The following AXDND1 variants were observed in gnomAD, a reference collection of about 807,000 sequenced individuals.
AXDND1 encodes axonemal dynein light chain domain-containing protein 1.
AXDND1 carries 110 observed loss-of-function variants against 137.5 expected under a neutral mutation model. The observed-to-expected ratio is 0.80, with a 90% CI of 0.69 to 0.94. The LOEUF (loss-of-function observed/expected upper bound fraction) is 0.94, where lower values mean the gene tolerates loss of function less well. Ranked by LOEUF, AXDND1 falls within the 40% of genes least tolerant of loss-of-function variation. The pLI is 0.00. For synonymous variants in AXDND1, 414 were observed against 399.7 expected, an observed-to-expected ratio of 1.04 and a Z score of -0.43; for missense variants, 1,191 against 1,169.8, an observed-to-expected ratio of 1.02 and a Z score of -0.26.
At chr1:179,470,098 G>A (rs1394659117) in intron 17 of AXDND1, among the ~76,000 whole-genome samples, 4 of 152,078 alleles carry the variant, frequency 2.6e-5, no homozygotes, top group Admixed American at 2.6e-4. Flanking sequence ...CCACTTAATG[G>A]TATTGACAAT....
intron 18 of AXDND1, among the ~76,000 whole-genome samples, chr1:179,485,994 C>CTGTA (rs1665992319): frequency 6.6e-6 from 1 of 151,872 alleles, no homozygotes; most frequent in Non-Finnish European, 1.5e-5. Context: ...TGGTGGGCAC[C>CTGTA]TGTAATTCCA....
At chr1:179,383,155 T>C (rs1456300786) in intron 7 of AXDND1, among the ~76,000 whole-genome samples, 1 of 152,142 alleles carries the variant, frequency 6.6e-6, no homozygotes, top group Non-Finnish European at 1.5e-5. Flanking sequence ...ATTTTTTCTT[T>C]TTCTATGTTC....
chr1:179,543,516 A>T (rs1286635358), intron 25 of AXDND1: 5 of 152,188 alleles, frequency 3.3e-5, no homozygotes, highest in African/African-American at 1.2e-4. Flanking sequence ...CTTGATGGCC[A>T]GAGGCCATCA....
chr1:179,471,198 G>A (rs1158022851), intron 17 of AXDND1, among the ~76,000 whole-genome samples: 1 of 152,108 alleles, frequency 6.6e-6, no homozygotes, highest in Non-Finnish European at 1.5e-5. Context: ...ATTTTCCTGT[G>A]ATGTCTTCGC....
Position 179,501,892 on chromosome 1 carries a change from G to T in AXDND1, c.2389-7404G>T, listed in dbSNP as rs1231129465. 2.0e-5 allele frequency among the ~76,000 whole-genome samples: 3 copies of T among 152,124 alleles called. No homozygotes were observed. The South Asian group carries it at 6.2e-4, about 32-fold the overall frequency. ...GAAGACAATATCTAAGATCTTGGGG[G>T]TAGGAAAATTTTTTTTAAGTAAGAG... On this transcript the variant is annotated intron_variant, in intron 20 of 25. Transcript: ENST00000367618.
chr1:179,386,126 A>T (rs1016023283), intron 9 of AXDND1, among the ~76,000 whole-genome samples: 1 of 135,794 alleles, frequency 7.4e-6, no homozygotes, highest in Non-Finnish European at 1.5e-5. Context: ...ATCTCGGCTC[A>T]CTGCAACTTC....
intron 11 of AXDND1, among the ~76,000 whole-genome samples, chr1:179,408,367 A>G (rs1223172086): frequency 6.6e-6 from 1 of 151,402 alleles, no homozygotes; most frequent in Admixed American, 6.6e-5. Flanking sequence ...ATTTTTTTCC[A>G]ATTTTATGAA....
At chr1:179,425,529 T>TGGTCTCCTGCCAAGGAATCAACATGATGG (rs1206093688) in intron 12 of AXDND1, among the ~76,000 whole-genome samples, 8 of 152,034 alleles carry the variant, frequency 5.3e-5, no homozygotes, top group South Asian at 2.1e-4. Flanking sequence ...GCACTTGTGA[T>TGGTCTCCTGCCAAGGAATCAACATGATGG]GGTCTCCTGC....
chr1:179,539,255 C>T (rs1671872078), intron 25 of AXDND1, among the ~76,000 whole-genome samples: 1 of 152,008 alleles, frequency 6.6e-6, no homozygotes, highest in Non-Finnish European at 1.5e-5. Flanking sequence ...GTTATTTTGC[C>T]CATTAGTTGA....
chr1:179,398,908 C>T (rs1651501272), intron 11 of AXDND1, among the ~76,000 whole-genome samples: 1 of 152,130 alleles, frequency 6.6e-6, no homozygotes, highest in South Asian at 2.1e-4. Flanking sequence ...GTACTACTGC[C>T]ATATCAGTGG....
At chr1:179,367,591 G>A (rs1354606253) in intron 2 of AXDND1, among the ~76,000 whole-genome samples, 1 of 151,836 alleles carries the variant, frequency 6.6e-6, no homozygotes. Context: ...ACAAAATTTA[G>A]CCTGGTGTGG....
At chr1:179,414,526 C>T (rs183933677) in intron 12 of AXDND1, among the ~76,000 whole-genome samples, 5 of 152,130 alleles carry the variant, frequency 3.3e-5, no homozygotes, top group Non-Finnish European at 5.9e-5. Flanking sequence ...CTGGGGTTCA[C>T]GCCATTCTCC....
At chr1:179,369,192 C>T (rs975025) in intron 3 of AXDND1, among the ~76,000 whole-genome samples, 14,634 of 152,172 alleles carry the variant, frequency 0.096, 925 homozygotes, top group East Asian at 0.36. Flanking sequence ...ATCCTCCCAC[C>T]TCAGCTTCCT....
chr1:179,382,824 A>G, intron 7 of AXDND1, 68 bp downstream of exon 7: 1 of 1,208,752 alleles, frequency 8.3e-7, no homozygotes, highest in East Asian at 2.5e-5. Context: ...ATTTCTTGGT[A>G]CTTTATTAAA....
intron 9 of AXDND1, among the ~76,000 whole-genome samples, chr1:179,388,390 T>G (rs1048549843): frequency 2.0e-5 from 3 of 152,208 alleles, no homozygotes; most frequent in Admixed American, 2.0e-4. Context: ...CATTCTGTCT[T>G]CTGTTTCTGG....
At position 179,385,329 on chromosome 1, in the gene AXDND1, C is replaced by T. The variant is rs1649027407; in HGVS notation, c.833C>T (p.Ala278Val). 2 of 1,613,796 alleles carry T rather than the reference C, an allele frequency of 1.2e-6. No homozygotes were observed. Among genetic ancestry groups the T allele is most frequent in the African/African-American group, 1.3e-5 (1 of 74,902 alleles). The change falls in exon 9 of 26, where the codon GCA becomes GTA. Residue 278 changes from alanine to valine, a missense_variant. Coordinates refer to ENST00000367618, the MANE Select transcript of AXDND1 (RefSeq NM_144696.6). ...ELIRQVSVDC[A>V]DRGELLSKVR... Reference sequence around the variant, plus strand: ...ATTCGACAAGTCAGTGTGGACTGTGCAGACAGAGGAGAACTTCTGTCTAAA... The same window carrying T: ...ATTCGACAAGTCAGTGTGGACTGTGTAGACAGAGGAGAACTTCTGTCTAAA...
intron 16 of AXDND1, among the ~76,000 whole-genome samples, chr1:179,465,431 A>G (rs1662986134): frequency 1.3e-5 from 2 of 152,252 alleles, no homozygotes; most frequent in Admixed American, 1.3e-4. Flanking sequence ...AGGCTGCAGA[A>G]CAGCAAATAT....
chr1:179,539,296 C>G (rs1671880363), intron 25 of AXDND1, among the ~76,000 whole-genome samples: 1 of 152,060 alleles, frequency 6.6e-6, no homozygotes, highest in African/African-American at 2.4e-5. Context: ...GATGGTCTTT[C>G]CAATTTGGCA....
chr1:179,411,313 A>C, intron 12 of AXDND1, 47 bp downstream of exon 12: 1 of 1,590,574 alleles, frequency 6.3e-7, no homozygotes, highest in South Asian at 1.2e-5. Flanking sequence ...TTGGCTAAAG[A>C]TTCATTCTAC....
Sources: gnomAD v4.1 joint callset for allele counts (sites outside exome capture counted in the v4.1 genomes callset) on GRCh38, gnomAD v4.1.1 for gene constraint, MANE v1.5 for transcripts, NCBI Gene and HGNC (gene_info 2026-07-23, HGNC 2026-07-21) for gene names.